The following NPSR1 variants were observed in gnomAD, a reference collection of about 807,000 sequenced individuals.
NPSR1 encodes the protein neuropeptide S receptor 1.
In NPSR1, 48 loss-of-function variants were observed where a neutral mutation model predicts 46.9. That is an observed-to-expected ratio of 1.02 (90% CI 0.81 to 1.30). NPSR1 has a LOEUF of 1.30. NPSR1 is among the 50% of genes most tolerant of loss of function. The pLI, the probability that NPSR1 is intolerant of heterozygous loss-of-function variation, is 0.00. For missense variants in NPSR1, 450 were observed against 449.5 expected, an observed-to-expected ratio of 1.00 and a Z score of -0.01; for synonymous variants, 176 against 168.1, an observed-to-expected ratio of 1.05 and a Z score of -0.36.
At position 34,785,359 on chromosome 7, in the gene NPSR1, C is replaced by T. The variant is rs187621119; in HGVS notation, c.384+6794C>T. Among the ~76,000 whole-genome samples, 1,196 of 124,320 alleles carry T rather than the reference C, an allele frequency of 9.6e-3. 21 individuals are homozygous for T. The highest frequency in any genetic ancestry group is 0.036 in the African/African-American group (1,138 of 31,336). The allele number at this position is 124,320 out of a possible 152,430, so 81.6% of individuals were successfully genotyped here. A position where few individuals can be genotyped will look rare whatever the true frequency, so the allele number is the denominator to read the frequency against. On this transcript the variant is annotated intron_variant, in intron 3 of 8. Coordinates refer to ENST00000360581, the MANE Select transcript of NPSR1 (RefSeq NM_207172.2). The stretch of plus-strand genomic sequence containing the variant: ...GAACACATGGACACAGGAAGGGGAA[C>T]ATCACACTCTGGGCACTGTTGTGGG...
chr7:34,814,141 T>C (rs1158602343), intron 4 of NPSR1, among the ~76,000 whole-genome samples: 1 of 152,218 alleles, frequency 6.6e-6, no homozygotes, highest in Non-Finnish European at 1.5e-5. Context: ...GGTTGGGGGA[T>C]GTCCCTTTCC....
chr7:34,855,516 T>C (rs1203316519), intron 8 of NPSR1, among the ~76,000 whole-genome samples: 2 of 152,056 alleles, frequency 1.3e-5, no homozygotes, highest in Non-Finnish European at 2.9e-5. Flanking sequence ...AAACATATAA[T>C]TGACCCAAGA....
At chr7:34,862,256 T>A (rs1282625504) in intron 8 of NPSR1, among the ~76,000 whole-genome samples, 3 of 151,598 alleles carry the variant, frequency 2.0e-5, no homozygotes, top group Non-Finnish European at 4.4e-5. Context: ...AGTGGGCAGT[T>A]CTTCCTCCAA....
intron 2 of NPSR1, among the ~76,000 whole-genome samples, chr7:34,777,850 C>G (rs1413515731): frequency 6.6e-6 from 1 of 152,106 alleles, no homozygotes; most frequent in East Asian, 1.9e-4. Context: ...GACCTGCCCA[C>G]AAGAGGAAAA....
At chr7:34,846,864 C>CATATAGAATGTA (rs1297295914) in intron 7 of NPSR1, among the ~76,000 whole-genome samples, 1 of 152,168 alleles carries the variant, frequency 6.6e-6, no homozygotes, top group Admixed American at 6.5e-5. Flanking sequence ...GAGGGTTCTC[C>CATATAGAATGTA]TCTACATGAA....
At chr7:34,790,985 A>ATTATATATGTTATATGTTATATG (rs1787785549) in intron 3 of NPSR1, among the ~76,000 whole-genome samples, 1 of 120,974 alleles carries the variant, frequency 8.3e-6, no homozygotes, top group Admixed American at 9.5e-5. Context: ...TATATGTTAT[A>ATTATATATGTTATATGTTATATG]TTATATATGT....
chr7:34,678,594 A>T (rs1309583373), intron 1 of NPSR1, among the ~76,000 whole-genome samples: 3 of 152,140 alleles, frequency 2.0e-5, no homozygotes, highest in African/African-American at 7.2e-5. Context: ...TGGGAGGCCC[A>T]GGAGGGTGGA....
chr7:34,671,821 C>A (rs932896023), intron 1 of NPSR1, among the ~76,000 whole-genome samples: 1 of 152,130 alleles, frequency 6.6e-6, no homozygotes. Context: ...GTGTTCGCTC[C>A]TCCTGGTTTC....
chr7:34,782,784 C>A (rs1787288210), intron 3 of NPSR1, among the ~76,000 whole-genome samples: 1 of 151,954 alleles, frequency 6.6e-6, no homozygotes, highest in Non-Finnish European at 1.5e-5. Flanking sequence ...CAGTAACTGG[C>A]CCCAATGAAA....
intron 1 of NPSR1, among the ~76,000 whole-genome samples, chr7:34,677,417 A>G (rs1406336744): frequency 6.6e-6 from 1 of 152,232 alleles, no homozygotes; most frequent in East Asian, 1.9e-4. Context: ...AGAGAGATAT[A>G]GTCTGAAAAT....
At chr7:34,792,784 T>C (rs948837750) in intron 3 of NPSR1, among the ~76,000 whole-genome samples, 66 of 143,674 alleles carry the variant, frequency 4.6e-4, no homozygotes, top group Middle Eastern at 3.5e-3. Context: ...CTCAGGAGGC[T>C]GAGGTAGTAG....
At chr7:34,678,347 G>A (rs988662469) in intron 1 of NPSR1, among the ~76,000 whole-genome samples, 3 of 149,342 alleles carry the variant, frequency 2.0e-5, no homozygotes, top group Admixed American at 6.7e-5. Context: ...TCAGCCTCCC[G>A]AGTAGCTGGG....
intron 2 of NPSR1, among the ~76,000 whole-genome samples, chr7:34,717,978 T>G (rs1348908188): frequency 6.6e-6 from 1 of 152,256 alleles, no homozygotes; most frequent in East Asian, 1.9e-4. Context: ...ATAAACACAA[T>G]AGATGGGCAA....
chr7:34,707,877 G>A (rs541122313), intron 2 of NPSR1, among the ~76,000 whole-genome samples: 1 of 152,300 alleles, frequency 6.6e-6, no homozygotes, highest in South Asian at 2.1e-4. Context: ...AGTTCTAGAA[G>A]CTAGAAGTCC....
chr7:34,762,780 C>G (rs572704074), intron 2 of NPSR1, among the ~76,000 whole-genome samples: 1 of 152,242 alleles, frequency 6.6e-6, no homozygotes, highest in African/African-American at 2.4e-5. Context: ...ATAAAAGGAC[C>G]TTATATTATC....
intron 3 of NPSR1, among the ~76,000 whole-genome samples, chr7:34,782,648 T>C (rs1443198490): frequency 6.6e-6 from 1 of 152,148 alleles, no homozygotes; most frequent in African/African-American, 2.4e-5. Context: ...TTTGTTGATG[T>C]TTATCTTTCC....
chr7:34,727,305 G>C (rs1784206236), intron 2 of NPSR1, among the ~76,000 whole-genome samples: 2 of 152,054 alleles, frequency 1.3e-5, no homozygotes, highest in South Asian at 4.2e-4. Flanking sequence ...TTATAAACAG[G>C]ATCTCCAGGA....
intron 2 of NPSR1, among the ~76,000 whole-genome samples, chr7:34,711,893 T>C (rs1052946504): frequency 6.6e-6 from 1 of 152,226 alleles, no homozygotes; most frequent in African/African-American, 2.4e-5. Flanking sequence ...TTTGAATCAA[T>C]AGAGGAGCCT....
At chr7:34,870,336 A>G (rs184430476) in intron 8 of NPSR1, among the ~76,000 whole-genome samples, 2 of 151,990 alleles carry the variant, frequency 1.3e-5, no homozygotes, top group African/African-American at 4.9e-5. Flanking sequence ...GGACCACTCT[A>G]AAATAAATTC....
Sources: gnomAD v4.1 joint callset for allele counts (sites outside exome capture counted in the v4.1 genomes callset) on GRCh38, gnomAD v4.1.1 for gene constraint, MANE v1.5 for transcripts, NCBI Gene and HGNC (gene_info 2026-07-23, HGNC 2026-07-21) for gene names.